Variants in SIRPG observed in about 807,000 individuals in gnomAD.
SIRPG encodes the protein signal regulatory protein gamma.
A neutral mutation model predicts 35.7 loss-of-function variants in SIRPG; 38 were observed. The observed-to-expected ratio is 1.06, with a 90% confidence interval of 0.82 to 1.40. The LOEUF is 1.40. SIRPG is among the 40% of genes most tolerant of loss of function. SIRPG has a pLI of 0.00. For synonymous variants in SIRPG, 215 were observed against 190.4 expected, an observed-to-expected ratio of 1.13 and a Z score of -1.06; for missense variants, 519 against 483.0, an observed-to-expected ratio of 1.07 and a Z score of -0.70.
At chr20:1,667,954 C>G in the SIRPG span, among the ~76,000 whole-genome samples, 1 of 152,152 alleles carries the variant, frequency 6.6e-6, no homozygotes, top group South Asian at 2.1e-4. Context: ...ATCCTGAGAA[C>G]AGGGTTACTT....
At chr20:1,648,916 C>G (rs1396368290) in intron 2 of SIRPG, 136 bp downstream of exon 2, 9 of 806,948 alleles carry the variant, frequency 1.1e-5, no homozygotes, top group South Asian at 6.6e-5. Flanking sequence ...CTCACCTGAT[C>G]TGTAGAAGGG....
chr20:1,669,705 C>T, the SIRPG span, among the ~76,000 whole-genome samples: 1 of 152,112 alleles, frequency 6.6e-6, no homozygotes, highest in African/African-American at 2.4e-5. Flanking sequence ...TCTCTTCCTC[C>T]TTTAATATAT....
At chr20:1,660,654 T>C (rs2091993645), upstream of SIRPG, among the ~76,000 whole-genome samples, 1 of 152,136 alleles carries the variant, frequency 6.6e-6, no homozygotes, top group Non-Finnish European at 1.5e-5. Context: ...GAAATTTAAA[T>C]TTAGGTGACT....
At position 1,648,442 on chromosome 20, in the gene SIRPG, T is replaced by C. The variant is rs994864065; in HGVS notation, c.430+610A>G. 3.9e-5 allele frequency: 6 copies of C among 152,240 alleles called. No individual in the cohort carries two copies. The South Asian group carries it at 8.3e-4, about 21-fold the overall frequency. 9.4% of individuals were successfully genotyped at this position (152,240 alleles called of 1,614,324 possible). On this transcript the variant is annotated intron_variant, in intron 2 of 5. Transcript: ENST00000303415. ...CTTCCCTGTGTGATGTTTCTGAAGA[T>C]TAAATAAAGAAAAACACGATTTACA...
chr20:1,630,495 A>C, intron 4 of SIRPG, 189 bp from the exon 5 acceptor site: 1 of 558,416 alleles, frequency 1.8e-6, no homozygotes, highest in Admixed American at 3.3e-5. Flanking sequence ...ATTCTCACTC[A>C]TCCTGTCCCA....
the SIRPG span, among the ~76,000 whole-genome samples, chr20:1,672,767 C>T: frequency 7.3e-6 from 1 of 137,688 alleles, no homozygotes; most frequent in African/African-American, 2.6e-5. Context: ...TTGTTGTTAG[C>T]AGGCCTAATT....
At chr20:1,674,187 T>C in the SIRPG span, among the ~76,000 whole-genome samples, 1 of 151,852 alleles carries the variant, frequency 6.6e-6, no homozygotes, top group Admixed American at 6.6e-5. Context: ...TGGCATTTTT[T>C]TTTAGGAGGG....
the SIRPG span, chr20:1,676,907 A>T: frequency 1.9e-5 from 3 of 158,530 alleles, no homozygotes; most frequent in Admixed American, 6.5e-5. Flanking sequence ...ATGACAAAGC[A>T]GTCATTTATT....
chr20:1,649,357 A>G lies in SIRPG; in HGVS notation c.125T>C (p.Leu42Ser). 1 of 1,613,866 alleles carries G rather than the reference A, an allele frequency of 6.2e-7. No individual in the cohort carries two copies. The highest frequency in any genetic ancestry group is 8.5e-7 in the Non-Finnish European group (1 of 1,179,868). The change falls in exon 2 of 6, where the codon TTG becomes TCG. Residue 42 changes from leucine to serine, a missense_variant. Physicochemically the swap from Leu to Ser is moderately radical, Grantham distance 145. Coordinates refer to ENST00000303415, the MANE Select transcript of SIRPG (RefSeq NM_018556.4). Reference protein sequence around the residue: ...LQMIQPEKLLLVTVGKTATLH... With the variant: ...LQMIQPEKLLSVTVGKTATLH... ...AGTGGCTGTCTTTCCAACTGTGACC[A>G]ACAGGAGCTTCTCAGGCTGAATCAT...
At chr20:1,633,954 T>A (rs55952004) in intron 4 of SIRPG, among the ~76,000 whole-genome samples, 6,946 of 152,274 alleles carry the variant, frequency 0.046, 189 homozygotes, top group Middle Eastern at 0.058. Flanking sequence ...TTAATTAGTT[T>A]GAACCAATAA....
At chr20:1,650,702 G>T (rs2091935320) in intron 1 of SIRPG, among the ~76,000 whole-genome samples, 1 of 152,054 alleles carries the variant, frequency 6.6e-6, no homozygotes, top group Non-Finnish European at 1.5e-5. Flanking sequence ...AAGAAATCAT[G>T]GTCAAAACCT....
the SIRPG span, among the ~76,000 whole-genome samples, chr20:1,684,931 C>T: frequency 6.6e-6 from 1 of 152,202 alleles, no homozygotes; most frequent in Non-Finnish European, 1.5e-5. Context: ...AGCTCAATTG[C>T]TGAACTCTTA....
the SIRPG span, among the ~76,000 whole-genome samples, chr20:1,668,198 CTTTTCTTTCTTT>C: frequency 9.3e-5 from 2 of 21,392 alleles, no homozygotes; most frequent in African/African-American, 2.1e-4. Flanking sequence ...TTTTTCTTTT[CTTTTCTTTCTTT>C]CTTTCTTTCT....
chr20:1,660,466 A>G (rs2091993104), upstream of SIRPG, among the ~76,000 whole-genome samples: 1 of 152,176 alleles, frequency 6.6e-6, no homozygotes, highest in Non-Finnish European at 1.5e-5. Flanking sequence ...ATAAAGTATT[A>G]TGTCTCCAAA....
the SIRPG span, among the ~76,000 whole-genome samples, chr20:1,685,790 G>C: frequency 1.1e-4 from 17 of 152,162 alleles, no homozygotes; most frequent in Admixed American, 7.9e-4. Flanking sequence ...ACATCCCCGG[G>C]AAACATTGCT....
chr20:1,632,119 A>G (rs2091755912), intron 4 of SIRPG, among the ~76,000 whole-genome samples: 1 of 152,134 alleles, frequency 6.6e-6, no homozygotes, highest in Non-Finnish European at 1.5e-5. Context: ...TGGGACCCTG[A>G]GATGTGGGAG....
At chr20:1,655,427 G>A (rs776325955) in intron 1 of SIRPG, among the ~76,000 whole-genome samples, 6 of 151,918 alleles carry the variant, frequency 3.9e-5, no homozygotes, top group South Asian at 2.1e-4. Context: ...AGCCAGGCAC[G>A]GAAAGACAAA....
At chr20:1,640,454 AT>A (rs2091843409) in intron 2 of SIRPG, among the ~76,000 whole-genome samples, 1 of 152,068 alleles carries the variant, frequency 6.6e-6, no homozygotes, top group Non-Finnish European at 1.5e-5. Flanking sequence ...TTGCACATTG[AT>A]TTTCTATCCT....
Position 1,636,245 on chromosome 20 carries a change from C to T in SIRPG, c.691G>A (p.Val231Ile), listed in dbSNP as rs763166687. 5.0e-6 allele frequency: 8 copies of T among 1,614,210 alleles called. No individual in the cohort carries two copies. Among genetic ancestry groups the T allele is most frequent in the East Asian group, 4.5e-5 (2 of 44,876 alleles). Residue 231 changes from valine (V) to isoleucine (I), a missense_variant, in exon 3 of 6, where the codon GTC (valine) becomes ATC (isoleucine). Transcript: ENST00000303415. ...RSQVICEVAH[V>I]TLQGDPLRGT... ...CGAAGAGGGTCCCCCTGCAAGGTGA[C>T]ATGGGCCACCTCGCAGATGACCTGA...
Sources: allele counts gnomAD v4.1 joint callset (sites outside exome capture counted in the v4.1 genomes callset), GRCh38; gene constraint gnomAD v4.1.1; transcripts MANE v1.5; gene names NCBI Gene and HGNC (gene_info 2026-07-23, HGNC 2026-07-21).